Variants in PKHD1L1 observed in about 807,000 individuals in gnomAD.
PKHD1L1 encodes the protein fibrocystin-L.
In PKHD1L1, 434 loss-of-function variants were observed where a neutral mutation model predicts 462.9. The ratio of observed to expected loss-of-function variants is 0.94; its 90% CI spans 0.87 to 1.02. The LOEUF is 1.02. PKHD1L1 is among the 50% of genes least tolerant of loss of function. The pLI is 0.00. For synonymous variants in PKHD1L1, 1,781 were observed against 1,750.0 expected (o/e 1.02, Z -0.44); for missense variants, 5,202 against 5,096.1 (o/e 1.02, Z -0.63).
chr8:109,382,080 G>C (rs1484213471), intron 3 of PKHD1L1, among the ~76,000 whole-genome samples: 2 of 152,152 alleles, frequency 1.3e-5, no homozygotes, highest in Non-Finnish European at 2.9e-5. Context: ...ACCAGGAAAA[G>C]CTTACTAAGG....
At chr8:109,367,281 G>A (rs1475214838) in intron 2 of PKHD1L1, among the ~76,000 whole-genome samples, 2 of 152,160 alleles carry the variant, frequency 1.3e-5, no homozygotes, top group Non-Finnish European at 2.9e-5. Flanking sequence ...TAGATTCTCT[G>A]TTTTTAGAAT....
Position 109,394,478 on chromosome 8 carries a change from A to G in PKHD1L1, c.804A>G (p.Thr268=), listed in dbSNP as rs1449516929. 2.0e-6 allele frequency: 3 copies of G among 1,509,992 alleles called. No homozygotes were observed. Among genetic ancestry groups the G allele is most frequent in the East Asian group, 4.9e-5 (2 of 41,178 alleles). The allele number at this position is 1,509,992 out of a possible 1,614,324, so 93.5% of individuals were successfully genotyped here. ...SSLNKIAMFQ[T]YAEVTMIFPS... ...TCAATAAAATTGCAATGTTTCAAAC[A>G]TATGCAGGTATGTGACTTTTCTTTC... Residue 268 remains threonine, a synonymous_variant, in exon 10 of 78, where the codon ACA becomes ACG. Coordinates refer to ENST00000378402, the MANE Select transcript of PKHD1L1 (RefSeq NM_177531.6).
At chr8:109,419,451 G>A (rs547715912) in intron 22 of PKHD1L1, among the ~76,000 whole-genome samples, 191 bp downstream of exon 22, 2 of 152,258 alleles carry the variant, frequency 1.3e-5, no homozygotes, top group South Asian at 4.1e-4. Context: ...AAGGATAAAT[G>A]AATCCTTAAT....
chr8:109,484,825 A>C (rs1818447039), intron 57 of PKHD1L1, among the ~76,000 whole-genome samples: 1 of 151,948 alleles, frequency 6.6e-6, no homozygotes, highest in Non-Finnish European at 1.5e-5. Flanking sequence ...GGCTGAATTA[A>C]AGTTAAGAAA....
intron 10 of PKHD1L1, 120 bp from the exon 11 acceptor site, chr8:109,395,907 T>C: frequency 6.4e-6 from 4 of 628,282 alleles, no homozygotes; most frequent in Non-Finnish European, 1.1e-5. Flanking sequence ...ATTCATGCAG[T>C]TGGTAATCTA....
intron 9 of PKHD1L1, among the ~76,000 whole-genome samples, chr8:109,392,548 A>G (rs1457857171): frequency 1.3e-5 from 2 of 151,970 alleles, no homozygotes; most frequent in Non-Finnish European, 2.9e-5. Flanking sequence ...AATGTCTTAG[A>G]ATTGAGGAAA....
At chr8:109,494,726 A>G (rs1819004111) in intron 63 of PKHD1L1, among the ~76,000 whole-genome samples, 1 of 152,028 alleles carries the variant, frequency 6.6e-6, no homozygotes, top group Non-Finnish European at 1.5e-5. Context: ...TTGTATTTAC[A>G]TAAGGAAAGT....
rs1028908145 is a variant in PKHD1L1 at position 109,536,136 on chromosome 8, A to G, written c.*6046A>G. The stretch of plus-strand genomic sequence containing the variant: ...CTCTATTTCTTGGAAGCACTATTCC[A>G]TGTTGTGAGCTAAAGGGGATTGTAC... On this transcript the variant is annotated 3_prime_UTR_variant, in exon 78 of 78. Coordinates refer to ENST00000378402, the MANE Select transcript of PKHD1L1 (RefSeq NM_177531.6). 1.1e-4 allele frequency among the ~76,000 whole-genome samples: 16 copies of G among 152,188 alleles called. No homozygotes were observed. The highest frequency in any genetic ancestry group is 3.9e-4 in the African/African-American group (16 of 41,446).
At chr8:109,411,508 G>T (rs559160018) in intron 19 of PKHD1L1, among the ~76,000 whole-genome samples, 1 of 152,030 alleles carries the variant, frequency 6.6e-6, no homozygotes, top group African/African-American at 2.4e-5. Flanking sequence ...TATTTTGAAC[G>T]TAGTACTAGC....
intron 59 of PKHD1L1, 139 bp downstream of exon 59, chr8:109,486,960 G>A (rs1818561501): frequency 1.2e-6 from 1 of 808,746 alleles, no homozygotes; most frequent in African/African-American, 1.8e-5. Context: ...ATGTAGCCCA[G>A]TTTTTACCTT....
chr8:109,533,048 C>T lies in PKHD1L1; in HGVS notation c.*2958C>T, dbSNP rs1242058648. Among the ~76,000 whole-genome samples, 2 of 152,210 alleles carry T rather than the reference C, an allele frequency of 1.3e-5. No individual in the cohort carries two copies. The highest frequency in any genetic ancestry group is 4.8e-5 in the African/African-American group (2 of 41,450). Reference sequence around the variant, plus strand: ...TTAAATTCCCAAGTTCACAGAGCTACTAATGGTAAAGCTGGGATTCAAACA... The same window carrying T: ...TTAAATTCCCAAGTTCACAGAGCTATTAATGGTAAAGCTGGGATTCAAACA... On this transcript the variant is annotated 3_prime_UTR_variant, in exon 78 of 78. Transcript: ENST00000378402.
At chr8:109,500,795 A>ATCCTGCCTT (rs1372114372) in intron 67 of PKHD1L1, among the ~76,000 whole-genome samples, 8 of 151,976 alleles carry the variant, frequency 5.3e-5, no homozygotes, top group Admixed American at 5.2e-4. Context: ...ATGTGAGTGC[A>ATCCTGCCTT]TCCTGCCTTC....
intron 18 of PKHD1L1, 103 bp from the exon 19 acceptor site, chr8:109,409,762 T>A (rs1419028524): frequency 1.9e-6 from 1 of 526,264 alleles, no homozygotes; most frequent in East Asian, 3.5e-5. Flanking sequence ...ATGGGAATTA[T>A]GAAAATGTCC....
At position 109,486,648 on chromosome 8, in the gene PKHD1L1, C is replaced by T. The variant is rs1472548115; in HGVS notation, c.9707C>T (p.Ala3236Val). 1.2e-6 allele frequency: 2 copies of T among 1,610,280 alleles called. No homozygotes were observed. Among genetic ancestry groups the T allele is most frequent in the Non-Finnish European group, 1.7e-6 (2 of 1,177,946 alleles). ...TAATCTAGCTGCCTTTATACTGCAG[C>T]TGAAAAATACCATGTCCCTGGAACT... ...LNDSLSYTHF[A>V]EKYHVPGTGE... The change falls in exon 59 of 78, where the codon GCT becomes GTT. Residue 3236 changes from alanine to valine, a missense_variant and splice_region_variant. This residue lies in a region of PKHD1L1 where 4,497 missense variants were observed against 4,336.8 expected (regional missense o/e 1.04). Coordinates refer to ENST00000378402, the MANE Select transcript of PKHD1L1 (RefSeq NM_177531.6).
At chr8:109,438,573 A>T (rs1162491644) in intron 31 of PKHD1L1, 117 bp downstream of exon 31, 22 of 909,116 alleles carry the variant, frequency 2.4e-5, no homozygotes, top group Non-Finnish European at 1.6e-6. Flanking sequence ...AACCAGTTAT[A>T]GTGTTATGTG....
intron 4 of PKHD1L1, among the ~76,000 whole-genome samples, chr8:109,383,100 TATAA>T (rs1016637829): frequency 6.3e-5 from 7 of 111,820 alleles, no homozygotes; most frequent in East Asian, 4.7e-4. Context: ...ATATATAATA[TATAA>T]ATAGTTATAT....
chr8:109,416,403 G>A (rs1333066917), intron 21 of PKHD1L1, among the ~76,000 whole-genome samples: 1 of 152,122 alleles, frequency 6.6e-6, no homozygotes, highest in East Asian at 1.9e-4. Flanking sequence ...TACATGCTGT[G>A]GATGGTGTTT....
intron 67 of PKHD1L1, among the ~76,000 whole-genome samples, chr8:109,500,720 T>C (rs187553581): frequency 1.3e-5 from 2 of 149,444 alleles, no homozygotes; most frequent in East Asian, 3.9e-4. Context: ...TCTGTGCCCT[T>C]ATGAAGCCAT....
chr8:109,520,925 C>T (rs952160733), intron 73 of PKHD1L1, among the ~76,000 whole-genome samples: 4 of 152,116 alleles, frequency 2.6e-5, no homozygotes. Flanking sequence ...CACTCCATGC[C>T]AAAAACCAGT....
Sources: gnomAD v4.1 joint callset for allele counts (sites outside exome capture counted in the v4.1 genomes callset) on GRCh38, gnomAD v4.1.1 for gene constraint, gnomAD v4.1.1 regional missense constraint, MANE v1.5 for transcripts, NCBI Gene and HGNC (gene_info 2026-07-23, HGNC 2026-07-21) for gene names.